The following CDK15 variants were observed in gnomAD, a reference collection of about 807,000 sequenced individuals.
The protein encoded by CDK15 is cyclin dependent kinase 15, also known as cyclin-dependent kinase 15.
Under a neutral mutation model 60.3 loss-of-function variants are expected in CDK15, and 62 were observed. That is an observed-to-expected ratio of 1.03 (90% CI 0.84 to 1.27). CDK15 has a LOEUF of 1.27. Among genes scored for constraint, CDK15 ranks in the 50% most tolerant of loss-of-function variants. The probability of loss-of-function intolerance (pLI) is 0.00; values close to 1 mark genes in which losing one functional copy is unlikely to be tolerated. For missense variants in CDK15, 541 were observed against 527.8 expected, an observed-to-expected ratio of 1.03 and a Z score of -0.25; for synonymous variants, 194 against 195.7, an observed-to-expected ratio of 0.99 and a Z score of 0.07.
At chr2:201,810,883 C>T (rs1219904661) in intron 3 of CDK15, among the ~76,000 whole-genome samples, 4 of 143,044 alleles carry the variant, frequency 2.8e-5, no homozygotes, top group African/African-American at 1.1e-4. Flanking sequence ...CTCACTCTGT[C>T]GCCCAGGCTG....
At chr2:201,844,723 A>G (rs759845151) in intron 8 of CDK15, among the ~76,000 whole-genome samples, 1 of 152,198 alleles carries the variant, frequency 6.6e-6, no homozygotes, top group Non-Finnish European at 1.5e-5. Context: ...TGGGAGGCCA[A>G]GGCAGGAGGA....
intron 6 of CDK15, among the ~76,000 whole-genome samples, chr2:201,829,997 G>A (rs1395720589): frequency 1.3e-5 from 2 of 151,948 alleles, no homozygotes; most frequent in African/African-American, 4.8e-5. Context: ...TAGTAGAGAC[G>A]GGGTTTCACC....
chr2:201,879,359 G>A (rs1157373719), intron 11 of CDK15, among the ~76,000 whole-genome samples: 1 of 152,094 alleles, frequency 6.6e-6, no homozygotes, highest in Non-Finnish European at 1.5e-5. Context: ...GCCACCCTTG[G>A]AGTCCAGAGC....
At chr2:201,860,218 G>A (rs942906454) in intron 10 of CDK15, among the ~76,000 whole-genome samples, 1 of 152,190 alleles carries the variant, frequency 6.6e-6, no homozygotes, top group South Asian at 2.1e-4. Flanking sequence ...AAAGCGCTGA[G>A]TTTAAATCCC....
chr2:201,893,198 A>G (rs1699691087), intron 13 of CDK15, 103 bp from the exon 14 acceptor site: 2 of 152,198 alleles, frequency 1.3e-5, no homozygotes, highest in East Asian at 1.9e-4. Context: ...TTCTATCAAT[A>G]TATATAATGC....
chr2:201,852,439 T>C (rs1697955127), intron 9 of CDK15, among the ~76,000 whole-genome samples: 1 of 152,258 alleles, frequency 6.6e-6, no homozygotes, highest in African/African-American at 2.4e-5. Flanking sequence ...GCCTGTAGTG[T>C]GTGTGTTTAC....
chr2:201,814,455 T>C (rs1300272685), intron 4 of CDK15, among the ~76,000 whole-genome samples: 1 of 152,236 alleles, frequency 6.6e-6, no homozygotes, highest in Non-Finnish European at 1.5e-5. Context: ...TGTTTCTTTT[T>C]ACACCACTAT....
chr2:201,812,395 G>C, intron 3 of CDK15, 88 bp from the exon 4 acceptor site: 1 of 754,870 alleles, frequency 1.3e-6, no homozygotes, highest in Non-Finnish European at 2.3e-6. Context: ...ATTTTGAAGT[G>C]AAAGTGCTTT....
At chr2:201,879,550 T>C (rs1161499043) in intron 11 of CDK15, among the ~76,000 whole-genome samples, 1 of 152,142 alleles carries the variant, frequency 6.6e-6, no homozygotes, top group Non-Finnish European at 1.5e-5. Context: ...CAGCTAATTT[T>C]TATGTTTTTA....
chr2:201,821,680 CT>C (rs904111708), intron 4 of CDK15, among the ~76,000 whole-genome samples: 1 of 151,824 alleles, frequency 6.6e-6, no homozygotes. Flanking sequence ...CTCATCATCT[CT>C]TTTTTTTGAG....
chr2:201,864,162 A>G (rs1371617711), intron 10 of CDK15, among the ~76,000 whole-genome samples: 1 of 152,128 alleles, frequency 6.6e-6, no homozygotes, highest in East Asian at 1.9e-4. Context: ...AAATAATACA[A>G]TGTGGGAAGT....
intron 10 of CDK15, chr2:201,861,572 T>TC: frequency 1.0e-6 from 1 of 956,416 alleles, no homozygotes; most frequent in Non-Finnish European, 1.2e-6. Context: ...TTTCTTTTTT[T>TC]TTTTTTTTAG....
At chr2:201,821,681 T>C (rs945299369) in intron 4 of CDK15, among the ~76,000 whole-genome samples, 1 of 151,958 alleles carries the variant, frequency 6.6e-6, no homozygotes, top group African/African-American at 2.4e-5. Flanking sequence ...TCATCATCTC[T>C]TTTTTTTGAG....
At chr2:201,808,638 A>T (rs1695620330) in intron 3 of CDK15, 2 of 152,298 alleles carry the variant, frequency 1.3e-5, no homozygotes, top group Admixed American at 6.5e-5. Flanking sequence ...ATAGAGAGAA[A>T]AGTAATGGCT....
At chr2:201,826,333 G>T (rs557379052) in intron 6 of CDK15, among the ~76,000 whole-genome samples, 1 of 151,906 alleles carries the variant, frequency 6.6e-6, no homozygotes, top group Non-Finnish European at 1.5e-5. Flanking sequence ...GGTGGCGGGC[G>T]CCTGTAGTCC....
Position 201,807,933 on chromosome 2 carries a change from G to C in CDK15, c.349G>C (p.Val117Leu), listed in dbSNP as rs1401190918. The change falls in exon 3 of 14, where the codon GTT becomes CTT. Residue 117 changes from valine to leucine, a missense_variant. By Grantham distance (32) the Val-to-Leu change is conservative. Coordinates refer to ENST00000652192, the MANE Select transcript of CDK15 (RefSeq NM_001366386.2). The stretch of plus-strand genomic sequence containing the variant: ...GCTGGGTGAAGGCTCTTATGCGACA[G>C]TTTACAAGGGGATTAGCAGGTGAGT... ...EKLGEGSYAT[V>L]YKGISRINGQ... The C allele has an allele frequency of 6.2e-7, 1 of 1,614,054 alleles. No individual in the cohort carries two copies. The highest frequency in any genetic ancestry group is 8.5e-7 in the Non-Finnish European group (1 of 1,179,986).
intron 1 of CDK15, 28 bp downstream of exon 1, chr2:201,806,815 T>A: frequency 6.3e-7 from 1 of 1,596,324 alleles, no homozygotes; most frequent in Non-Finnish European, 8.5e-7. Flanking sequence ...GAGAGCATCT[T>A]TCTCTATTGA....
At chr2:201,816,552 G>A (rs1696006360) in intron 4 of CDK15, among the ~76,000 whole-genome samples, 1 of 146,940 alleles carries the variant, frequency 6.8e-6, no homozygotes, top group African/African-American at 2.5e-5. Flanking sequence ...GGGCACCTAG[G>A]TTGAGTCCAT....
At position 201,882,514 on chromosome 2, in the gene CDK15, A is replaced by AG. The variant is rs1349928227; in HGVS notation, c.1198+2350dup. 6.6e-6 allele frequency among the ~76,000 whole-genome samples: 1 copy of AG among 152,144 alleles called. No homozygotes were observed. Among genetic ancestry groups the AG allele is most frequent in the Non-Finnish European group, 1.5e-5 (1 of 68,030 alleles). ...ATTAAATGAGGTTTGTCAAAGCCAC[A>AG]GGGCTCTGCTGCTGCTGCCTCGGCG... On this transcript the variant is annotated intron_variant, in intron 12 of 13. Coordinates refer to ENST00000652192, the MANE Select transcript of CDK15 (RefSeq NM_001366386.2). The surrounding 1 kb of genome is among the most constrained non-coding windows in gnomAD (Gnocchi z 4.0).
Sources: allele counts gnomAD v4.1 joint callset (sites outside exome capture counted in the v4.1 genomes callset), GRCh38; gene constraint gnomAD v4.1.1; non-coding constraint Gnocchi (gnomAD v3.1); transcripts MANE v1.5; gene names NCBI Gene and HGNC (gene_info 2026-07-23, HGNC 2026-07-21).